CASP6: variants seen among roughly 807,000 people sequenced by gnomAD.
CASP6 encodes caspase-6.
CASP6 carries 20 observed loss-of-function variants against 31.8 expected under a neutral mutation model. The observed-to-expected ratio is 0.63, with a 90% CI of 0.44 to 0.91. The LOEUF (loss-of-function observed/expected upper bound fraction) is 0.91. Among genes scored for constraint, CASP6 ranks in the 40% least tolerant of loss-of-function variants. The pLI, the probability that CASP6 is intolerant of heterozygous loss-of-function variation, is 0.00. For missense variants in CASP6, 328 were observed against 361.1 expected (o/e 0.91, Z 0.74); for synonymous variants, 130 against 127.8 (o/e 1.02, Z -0.12).
the CASP6 span, among the ~76,000 whole-genome samples, chr4:109,678,887 C>G: frequency 6.9e-6 from 1 of 144,940 alleles, no homozygotes; most frequent in Non-Finnish European, 1.5e-5. Flanking sequence ...ACACTCCCCA[C>G]TTCCCAGACG....
At chr4:109,686,565 C>T (rs1729843037), downstream of CASP6, among the ~76,000 whole-genome samples, 1 of 152,198 alleles carries the variant, frequency 6.6e-6, no homozygotes, top group Non-Finnish European at 1.5e-5. Context: ...AAGGAATGTT[C>T]TTTCAGCTAG....
chr4:109,684,555 T>C (rs772480053), downstream of CASP6: 8 of 1,610,008 alleles, frequency 5.0e-6, no homozygotes, highest in Admixed American at 1.3e-4. Flanking sequence ...ACGTGGTGGG[T>C]GTACTCCTGG....
At chr4:109,705,521 A>G (rs1381504227), upstream of CASP6, among the ~76,000 whole-genome samples, 1 of 152,220 alleles carries the variant, frequency 6.6e-6, no homozygotes, top group Non-Finnish European at 1.5e-5. Context: ...AGCTGTCATC[A>G]TGATTCCTCT....
the CASP6 span, among the ~76,000 whole-genome samples, chr4:109,675,918 C>T: frequency 6.6e-6 from 1 of 152,224 alleles, no homozygotes; most frequent in Admixed American, 6.5e-5. Flanking sequence ...ACTTCCCAGA[C>T]TCCAGAACTG....
At chr4:109,676,444 C>A in the CASP6 span, among the ~76,000 whole-genome samples, 1 of 152,162 alleles carries the variant, frequency 6.6e-6, no homozygotes, top group African/African-American at 2.4e-5. Flanking sequence ...GAATATCTTA[C>A]TGGAAGCTGG....
At chr4:109,668,404 G>A in the CASP6 span, among the ~76,000 whole-genome samples, 1 of 151,928 alleles carries the variant, frequency 6.6e-6, no homozygotes, top group Non-Finnish European at 1.5e-5. Context: ...TTTACTCCTG[G>A]TAGCTTTCCT....
intron 1 of CASP6, among the ~76,000 whole-genome samples, chr4:109,701,885 T>A (rs969623055): frequency 6.6e-6 from 1 of 152,166 alleles, no homozygotes; most frequent in Non-Finnish European, 1.5e-5. Context: ...AAAGTCTCTG[T>A]AGGCCCATCC....
downstream of CASP6, chr4:109,687,411 T>C: frequency 2.7e-6 from 2 of 735,050 alleles, no homozygotes; most frequent in South Asian, 1.7e-5. Flanking sequence ...TTAAACATTT[T>C]ATTGCTGTAA....
At chr4:109,692,471 T>G (rs1440246102) in intron 5 of CASP6, 1 of 152,226 alleles carries the variant, frequency 6.6e-6, no homozygotes, top group Non-Finnish European at 1.5e-5. Flanking sequence ...TTTGTGGCTT[T>G]CTTCCCACAG....
chr4:109,669,449 C>A, the CASP6 span, among the ~76,000 whole-genome samples: 1 of 151,572 alleles, frequency 6.6e-6, no homozygotes, highest in African/African-American at 2.4e-5. Context: ...GAATTATTTT[C>A]TTTATCTTTG....
At position 109,689,324 on chromosome 4, in the gene CASP6, TATTA is replaced by T. The variant is rs758763358; in HGVS notation, c.*2_*5del. On this transcript the variant is annotated 3_prime_UTR_variant, in exon 7 of 7. Coordinates refer to ENST00000265164, the MANE Select transcript of CASP6 (RefSeq NM_001226.4). The stretch of plus-strand genomic sequence containing the variant: ...ACAGAGTGTAAAATTAGATAGCCTC[TATTA>T]ATTAATTAGATTTTGGAAAGAAATG... 47 of 1,611,082 alleles carry T rather than the reference TATTA, an allele frequency of 2.9e-5. No homozygotes were observed. Among genetic ancestry groups the T allele is most frequent in the African/African-American group, 9.3e-5 (7 of 74,890 alleles).
Position 109,689,170 on chromosome 4 carries a change from G to A in CASP6, c.*160C>T, listed in dbSNP as rs5030599. 25 of 647,254 alleles carry A rather than the reference G, an allele frequency of 3.9e-5. 1 individual carries two copies. Among genetic ancestry groups the A allele is most frequent in the East Asian group, 8.0e-5 (3 of 37,308 alleles). 40.1% of individuals were successfully genotyped at this position (647,254 alleles called of 1,614,324 possible). ...TTTTTTTTGCATTTTTAGTAGAGAC[G>A]GGGCTTCTCCATGTTGGTCAGGCTG... is the stretch of plus-strand genomic sequence containing the variant. On this transcript the variant is annotated 3_prime_UTR_variant, in exon 7 of 7. Transcript: ENST00000265164.
Position 109,694,704 on chromosome 4 carries a change from TAAAGGACCCA to T in CASP6, c.308-14_308-5del. On this transcript the variant is annotated splice_region_variant and splice_polypyrimidine_tract_variant and intron_variant, in intron 4 of 6. Transcript: ENST00000265164. The stretch of plus-strand genomic sequence containing the variant: ...TCTGCGTGGCTAACAGTTGACACTA[TAAAGGACCCA>T]AAAGAGAATATAGAAATGAAAATAT... 2 of 1,565,026 alleles carry T rather than the reference TAAAGGACCCA, an allele frequency of 1.3e-6. No individual in the cohort carries two copies. The highest frequency in any genetic ancestry group is 1.7e-6 in the Non-Finnish European group (2 of 1,157,790).
chr4:109,668,201 G>T, the CASP6 span, among the ~76,000 whole-genome samples: 1 of 151,922 alleles, frequency 6.6e-6, no homozygotes, highest in Non-Finnish European at 1.5e-5. Context: ...TTTTCTGCTT[G>T]GCAGATCTGT....
intron 2 of CASP6, 84 bp from the exon 3 acceptor site, chr4:109,697,852 G>C (rs1276310876): frequency 2.1e-6 from 3 of 1,456,618 alleles, no homozygotes; most frequent in Non-Finnish European, 2.8e-6. Context: ...CATGTAGATA[G>C]AGATCTGAGC....
downstream of CASP6, among the ~76,000 whole-genome samples, chr4:109,687,255 A>G (rs1729866355): frequency 6.6e-6 from 1 of 152,050 alleles, no homozygotes; most frequent in African/African-American, 2.4e-5. Context: ...GCTACTTGGG[A>G]GGCTGAGGCA....
In CASP6 at chr4:109,689,438, C is replaced by A; in HGVS notation, c.774G>T (p.Gln258His). The change falls in exon 7 of 7, where the codon CAG (glutamine) becomes CAT (histidine). Residue 258 changes from glutamine (Q) to histidine (H), a missense_variant. Transcript: ENST00000265164. Reference protein sequence around the residue: ...LLTLVNRKVSQRRVDFCKDPS... With the variant: ...LLTLVNRKVSHRRVDFCKDPS... ...GGTCTTTGCAAAAGTCCACTCGGCGCTGAGAAACTTTCCTGTTCACCAGTG... is the reference window on the plus strand; with the variant it reads ...GGTCTTTGCAAAAGTCCACTCGGCGATGAGAAACTTTCCTGTTCACCAGTG... 1 of 1,614,216 alleles carries A rather than the reference C, an allele frequency of 6.2e-7. No individual in the cohort carries two copies. Among genetic ancestry groups the A allele is most frequent in the East Asian group, 2.2e-5 (1 of 44,882 alleles).
chr4:109,689,862 A>G (rs1729980774), intron 6 of CASP6, among the ~76,000 whole-genome samples: 1 of 152,170 alleles, frequency 6.6e-6, no homozygotes, highest in South Asian at 2.1e-4. Context: ...AGTCAAAATT[A>G]TTTACTACAA....
At chr4:109,680,087 C>T in the CASP6 span, among the ~76,000 whole-genome samples, 2 of 152,156 alleles carry the variant, frequency 1.3e-5, no homozygotes, top group African/African-American at 4.8e-5. Flanking sequence ...CAGGCGTGAA[C>T]CACCTCACCT....
Sources: gnomAD v4.1 joint callset for allele counts (sites outside exome capture counted in the v4.1 genomes callset) on GRCh38, gnomAD v4.1.1 for gene constraint, MANE v1.5 for transcripts, NCBI Gene and HGNC (gene_info 2026-07-23, HGNC 2026-07-21) for gene names.